The following PCDHGA9 variants were observed in gnomAD, a reference collection of about 807,000 sequenced individuals.
PCDHGA9 encodes protocadherin gamma-A9.
In PCDHGA9, 37 loss-of-function variants were observed where a neutral mutation model predicts 62.5. That is an observed-to-expected ratio of 0.59 (90% CI 0.46 to 0.78). The LOEUF (loss-of-function observed/expected upper bound fraction) is 0.78, where lower values mean the gene tolerates loss of function less well. Among genes scored for constraint, PCDHGA9 ranks in the 30% least tolerant of loss-of-function variants. The pLI is 0.00. For synonymous variants in PCDHGA9, 459 were observed against 484.6 expected, an observed-to-expected ratio of 0.95 and a Z score of 0.69; for missense variants, 1,138 against 1,166.2, an observed-to-expected ratio of 0.98 and a Z score of 0.35.
Position 141,491,885 on chromosome 5 carries a change from G to T in PCDHGA9, c.2425-2922G>T. On this transcript the variant is annotated intron_variant, in intron 1 of 3. Transcript: ENST00000573521. The surrounding 1 kb of genome is among the most constrained non-coding windows in gnomAD (Gnocchi z 6.9). ...ACCAGAGTGGCCGATTAAGGGATGG[G>T]GCTCCGAGCACCGGGGGTGGTGGCG... The T allele has an allele frequency of 6.9e-7, 1 of 1,445,748 alleles. No homozygotes were observed. Among genetic ancestry groups the T allele is most frequent in the Non-Finnish European group, 9.1e-7 (1 of 1,093,758 alleles). The allele number at this position is 1,445,748 out of a possible 1,614,324, so 89.6% of individuals were successfully genotyped here. A position where few individuals can be genotyped will look rare whatever the true frequency, so the allele number is the denominator to read the frequency against.
At position 141,490,346 on chromosome 5, in the gene PCDHGA9, T is replaced by G. The variant is rs1396321935; in HGVS notation, c.2425-4461T>G. 1.2e-6 allele frequency: 2 copies of G among 1,614,046 alleles called. No individual in the cohort carries two copies. Among genetic ancestry groups the G allele is most frequent in the African/African-American group, 2.7e-5 (2 of 74,900 alleles). ...GAGAGCACACCAGTGGGCACAGTAG[T>G]GGGGTTGTTTAATGTGCGAGACCGG... On this transcript the variant is annotated intron_variant, in intron 1 of 3. Coordinates refer to ENST00000573521, the MANE Select transcript of PCDHGA9 (RefSeq NM_018921.3). This position sits in a 1 kb window ranked among gnomAD's most constrained non-coding sequence, Gnocchi z 5.4.
chr5:141,504,963 AC>A (rs1409940135), intron 2 of PCDHGA9, among the ~76,000 whole-genome samples: 1 of 152,038 alleles, frequency 6.6e-6, no homozygotes, highest in Non-Finnish European at 1.5e-5. Context: ...AATGCATTGG[AC>A]CAGCCTGGCC....
At chr5:141,436,200 T>C (rs1266606536) in intron 1 of PCDHGA9, among the ~76,000 whole-genome samples, 1 of 152,014 alleles carries the variant, frequency 6.6e-6, no homozygotes, top group African/African-American at 2.4e-5. Context: ...AAGAAAGACA[T>C]AATAGGAAAA....
Position 141,402,872 on chromosome 5 carries a change from T to C in PCDHGA9, c.-81T>C. 6.9e-7 allele frequency: 1 copy of C among 1,455,372 alleles called. No individual in the cohort carries two copies. The highest frequency in any genetic ancestry group is 9.1e-7 in the Non-Finnish European group (1 of 1,103,046). The allele number at this position is 1,455,372 out of a possible 1,614,324, so 90.2% of individuals were successfully genotyped here. The stretch of plus-strand genomic sequence containing the variant: ...CTTTCTTCTAAGGAAAAGATCACCA[T>C]ACTTTGCAGGGTGGAAGAAAGAACC... On this transcript the variant is annotated 5_prime_UTR_variant, in exon 1 of 4. Coordinates refer to ENST00000573521, the MANE Select transcript of PCDHGA9 (RefSeq NM_018921.3).
intron 1 of PCDHGA9, chr5:141,479,743 T>C (rs2154578017): frequency 6.6e-6 from 1 of 152,356 alleles, no homozygotes; most frequent in African/African-American, 2.4e-5. Flanking sequence ...ATATGCACAA[T>C]GTGAAAGGTA....
At chr5:141,494,524 C>T (rs2099754936) in intron 1 of PCDHGA9, among the ~76,000 whole-genome samples, 1 of 152,156 alleles carries the variant, frequency 6.6e-6, no homozygotes, top group African/African-American at 2.4e-5. Flanking sequence ...GGAGTTCTGA[C>T]TCTGGGGGCA....
chr5:141,503,630 A>G, intron 2 of PCDHGA9, among the ~76,000 whole-genome samples: 1 of 152,088 alleles, frequency 6.6e-6, no homozygotes, highest in Admixed American at 6.6e-5. Flanking sequence ...AAGAAAAGAA[A>G]TAATTATTGA....
intron 1 of PCDHGA9, among the ~76,000 whole-genome samples, chr5:141,445,720 G>T (rs2098475440): frequency 6.6e-6 from 1 of 152,158 alleles, no homozygotes; most frequent in Non-Finnish European, 1.5e-5. Flanking sequence ...AGAGGAAATA[G>T]CATGTGTAAA....
intron 1 of PCDHGA9, among the ~76,000 whole-genome samples, chr5:141,438,626 A>G (rs1309857700): frequency 2.3e-5 from 1 of 43,566 alleles, no homozygotes; most frequent in Non-Finnish European, 3.7e-5. Flanking sequence ...ATATATATAT[A>G]TATATATATA....
rs1258752203 is a variant in PCDHGA9, at chr5:141,431,160, G to C, written c.2424+25784G>C. On this transcript the variant is annotated intron_variant, in intron 1 of 3. Coordinates refer to ENST00000573521, the MANE Select transcript of PCDHGA9 (RefSeq NM_018921.3). The surrounding 1 kb of genome is among the most constrained non-coding windows in gnomAD (Gnocchi z 4.8). ...ATTAACGACAATGCGCCTTACTTTC[G>C]TGAAAGTGAATTAGAAATAAAAATT... is the stretch of plus-strand genomic sequence containing the variant. The C allele has an allele frequency of 6.2e-7, 1 of 1,614,198 alleles. No homozygotes were observed. Among genetic ancestry groups the C allele is most frequent in the South Asian group, 1.1e-5 (1 of 91,084 alleles).
rs2099883627 is a variant in PCDHGA9, at chr5:141,511,136, G to A, written c.2762G>A (p.Gly921Asp). 4.3e-6 allele frequency: 7 copies of A among 1,614,194 alleles called. No homozygotes were observed. The East Asian group carries it at 1.6e-4, about 36-fold the overall frequency. The change falls in exon 4 of 4, where the codon GGC (glycine) becomes GAC (aspartate). Residue 921 changes from glycine (G) to aspartate (D), a missense_variant. Physicochemically the swap from Gly to Asp is moderately conservative, Grantham distance 94. Coordinates refer to ENST00000573521, the MANE Select transcript of PCDHGA9 (RefSeq NM_018921.3). ...GGCAAGGCCCCAGCAGGTGGCAATG[G>A]CAACAAGAAGAAGTCGGGCAAGAAG... Reference protein sequence around the residue: ...RDGKAPAGGNGNKKKSGKKEK... With the variant: ...RDGKAPAGGNDNKKKSGKKEK...
intron 1 of PCDHGA9, among the ~76,000 whole-genome samples, chr5:141,462,355 A>T (rs1592773702): frequency 6.6e-6 from 1 of 152,226 alleles, no homozygotes; most frequent in East Asian, 1.9e-4. Context: ...AAAAATATAC[A>T]TTGTATAGTT....
intron 1 of PCDHGA9, among the ~76,000 whole-genome samples, chr5:141,456,944 C>G (rs1172050038): frequency 6.6e-6 from 1 of 152,138 alleles, no homozygotes; most frequent in Non-Finnish European, 1.5e-5. Context: ...GCCTGGGCAA[C>G]AGAGCAAAAC....
chr5:141,510,949 G>C lies in PCDHGA9; in HGVS notation c.2575G>C (p.Ala859Pro), dbSNP rs762789865. The C allele has an allele frequency of 2.2e-5, 36 of 1,614,012 alleles. No homozygotes were observed. The highest frequency in any genetic ancestry group is 3.0e-5 in the Non-Finnish European group (35 of 1,180,020). ...CTGATCTTCCTCTGTCTCTGCAGAA[G>C]CTGCTGATGGGAGCTCCACCCTGGG... ...QAMILASASE[A>P]ADGSSTLGGG... is the part of the protein sequence containing the mutation. The change falls in exon 4 of 4, where the codon GCT (alanine) becomes CCT (proline). Residue 859 changes from alanine (A) to proline (P), a missense_variant and splice_region_variant. Coordinates refer to ENST00000573521, the MANE Select transcript of PCDHGA9 (RefSeq NM_018921.3).
At chr5:141,405,649 T>C (rs954605890) in intron 1 of PCDHGA9, 14 of 527,576 alleles carry the variant, frequency 2.7e-5, no homozygotes, top group Non-Finnish European at 6.7e-6. Flanking sequence ...TAATTTTTTG[T>C]GTGTTTTTAG....
In PCDHGA9 at chr5:141,505,466, T is replaced by C. The variant is rs763151131; in HGVS notation, c.2557T>C (p.Leu853=). 1 of 1,614,200 alleles carries C rather than the reference T, an allele frequency of 6.2e-7. No individual in the cohort carries two copies. The highest frequency in any genetic ancestry group is 1.3e-5 in the African/African-American group (1 of 75,068). The part of the protein sequence containing the change: ...FDTEMLQAMI[L]ASASEAADGS... Reference sequence around the variant, plus strand: ...CACAGAGATGCTGCAAGCCATGATCTTGGCGTCCGCCAGTGGTAAGTGGTG... The same window carrying C: ...CACAGAGATGCTGCAAGCCATGATCCTGGCGTCCGCCAGTGGTAAGTGGTG... The change falls in exon 3 of 4, where the codon TTG becomes CTG. Residue 853 remains leucine, a synonymous_variant. Transcript: ENST00000573521.
chr5:141,504,680 A>G (rs912248504), intron 2 of PCDHGA9, among the ~76,000 whole-genome samples: 1 of 150,294 alleles, frequency 6.7e-6, no homozygotes, highest in Non-Finnish European at 1.5e-5. Flanking sequence ...GGGTTCTTGT[A>G]AAATAGGAGG....
chr5:141,414,620 A>G, intron 1 of PCDHGA9: 4 of 1,613,938 alleles, frequency 2.5e-6, no homozygotes, highest in Non-Finnish European at 3.4e-6. Flanking sequence ...ACAGCGCTGG[A>G]CCCGGACAGC....
At chr5:141,478,177 A>G (rs769503109) in intron 1 of PCDHGA9, 1 of 1,613,988 alleles carries the variant, frequency 6.2e-7, no homozygotes, top group South Asian at 1.1e-5. Context: ...GGGAGCAGAA[A>G]AAAAATCTCA....
Sources: gnomAD v4.1 joint callset for allele counts (sites outside exome capture counted in the v4.1 genomes callset) on GRCh38, gnomAD v4.1.1 for gene constraint, Gnocchi (gnomAD v3.1) non-coding constraint, MANE v1.5 for transcripts, NCBI Gene and HGNC (gene_info 2026-07-23, HGNC 2026-07-21) for gene names.